Variants in SLC25A23 observed in about 807,000 individuals in gnomAD.
SLC25A23 encodes solute carrier family 25 member 23.
A neutral mutation model predicts 53.9 loss-of-function variants in SLC25A23; 32 were observed. The ratio of observed to expected loss-of-function variants is 0.59; its 90% CI spans 0.45 to 0.80. The LOEUF is 0.80. Ranked by LOEUF, SLC25A23 falls within the 30% of genes least tolerant of loss-of-function variation. The pLI is 0.00. For synonymous variants in SLC25A23, 275 were observed against 264.5 expected (o/e 1.04, Z -0.38); for missense variants, 575 against 651.4 (o/e 0.88, Z 1.28).
chr19:6,444,797 A>G (rs956145648), intron 8 of SLC25A23, among the ~76,000 whole-genome samples: 3 of 150,580 alleles, frequency 2.0e-5, no homozygotes, highest in Non-Finnish European at 4.4e-5. Flanking sequence ...CCTCCCGGGT[A>G]GCTGGGAATA....
At chr19:6,448,121 C>A (rs28391797) in intron 8 of SLC25A23, among the ~76,000 whole-genome samples, 2,299 of 152,276 alleles carry the variant, frequency 0.015, 71 homozygotes, top group African/African-American at 0.051. Flanking sequence ...CCTTCTGAAG[C>A]CTTCTGCCAA....
downstream of SLC25A23, among the ~76,000 whole-genome samples, chr19:6,439,399 T>TCTCTCTCACACA (rs1196510603): frequency 8.1e-6 from 1 of 123,988 alleles, no homozygotes; most frequent in African/African-American, 3.2e-5. Flanking sequence ...TCTCTCTCTC[T>TCTCTCTCACACA]CACACACACA....
rs1030220261 is a variant in SLC25A23 at position 6,440,273 on chromosome 19, A to C, written c.*1702T>G. ...ATCCAACTATGAAGTGCAGAATGTA[A>C]GGGCGCAGGGGAGGAGGACTTTGCT... On this transcript the variant is annotated 3_prime_UTR_variant, in exon 10 of 10. Coordinates refer to ENST00000301454, the MANE Select transcript of SLC25A23 (RefSeq NM_024103.3). 2.6e-5 allele frequency: 4 copies of C among 152,582 alleles called. No homozygotes were observed. The highest frequency in any genetic ancestry group is 7.2e-5 in the African/African-American group (3 of 41,420). The allele number at this position is 152,582 out of a possible 1,614,324, so 9.5% of individuals were successfully genotyped here. A position where few individuals can be genotyped will look rare whatever the true frequency, so the allele number is the denominator to read the frequency against.
chr19:6,437,551 T>C (rs894233529), downstream of SLC25A23, among the ~76,000 whole-genome samples: 1 of 152,190 alleles, frequency 6.6e-6, no homozygotes, highest in Non-Finnish European at 1.5e-5. Flanking sequence ...GGCTCACGCC[T>C]GTAATCCCAA....
At chr19:6,438,845 T>C (rs113135668), downstream of SLC25A23, 3,531 of 196,054 alleles carry the variant, frequency 0.018, 53 homozygotes, top group South Asian at 0.032. Flanking sequence ...GCAAGACTCC[T>C]ATATCAAAAA....
intron 9 of SLC25A23, 119 bp downstream of exon 9, chr19:6,444,032 C>A: frequency 1.8e-6 from 2 of 1,102,002 alleles, no homozygotes; most frequent in Non-Finnish European, 2.5e-6. Context: ...AATGGGGAAA[C>A]GGAGGCCCAG....
chr19:6,452,774 G>A (rs1000734151), intron 7 of SLC25A23, among the ~76,000 whole-genome samples: 2 of 152,148 alleles, frequency 1.3e-5, no homozygotes, highest in East Asian at 1.9e-4. Context: ...TGCTGGTCTC[G>A]AACTCCTGGG....
Position 6,454,522 on chromosome 19 carries a change from C to A in SLC25A23, c.642+37G>T. The A allele has an allele frequency of 6.2e-7, 1 of 1,613,150 alleles. No homozygotes were observed. Among genetic ancestry groups the A allele is most frequent in the Non-Finnish European group, 8.5e-7 (1 of 1,179,546 alleles). On this transcript the variant is annotated intron_variant, in intron 5 of 9. Coordinates refer to ENST00000301454, the MANE Select transcript of SLC25A23 (RefSeq NM_024103.3). This position sits in a 1 kb window ranked among gnomAD's most constrained non-coding sequence, Gnocchi z 4.3. ...TGGAGGTCCCCTCCCAGGTGTCAGG[C>A]CTGGGGGAGGGGGCAGGTCTCTCCA...
rs2092422016 is a variant in SLC25A23 at position 6,441,620 on chromosome 19, A to T, written c.*355T>A. 1 of 295,082 alleles carries T rather than the reference A, an allele frequency of 3.4e-6. No homozygotes were observed. The highest frequency in any genetic ancestry group is 4.8e-5 in the Admixed American group (1 of 20,892). The allele number at this position is 295,082 out of a possible 1,614,324, so 18.3% of individuals were successfully genotyped here. A position where few individuals can be genotyped will look rare whatever the true frequency, so the allele number is the denominator to read the frequency against. On this transcript the variant is annotated 3_prime_UTR_variant, in exon 10 of 10. Coordinates refer to ENST00000301454, the MANE Select transcript of SLC25A23 (RefSeq NM_024103.3). Reference sequence around the variant, plus strand: ...GGATGTGGGGCTGCAGGATCCAGTGATTTGGGGGATGGGGATTAAGGGCTG... The same window carrying T: ...GGATGTGGGGCTGCAGGATCCAGTGTTTTGGGGGATGGGGATTAAGGGCTG...
rs1205481574 is a variant in SLC25A23, at chr19:6,441,919, T to C, written c.*56A>G. 6.6e-7 allele frequency: 1 copy of C among 1,524,692 alleles called. No homozygotes were observed. Among genetic ancestry groups the C allele is most frequent in the East Asian group, 2.3e-5 (1 of 44,206 alleles). The allele number at this position is 1,524,692 out of a possible 1,614,324, so 94.4% of individuals were successfully genotyped here. ...AGGGATCCTGTGGTTGGATCATCAGTCTCCAGTGGCTGAGGTGTGGGGGGT... is the reference window on the plus strand; with the variant it reads ...AGGGATCCTGTGGTTGGATCATCAGCCTCCAGTGGCTGAGGTGTGGGGGGT... On this transcript the variant is annotated 3_prime_UTR_variant, in exon 10 of 10. Transcript: ENST00000301454.
rs771153945 is a variant in SLC25A23 at position 6,452,338 on chromosome 19, C to T, written c.1045G>A (p.Ala349Thr). 6.2e-7 allele frequency: 1 copy of T among 1,613,256 alleles called. No individual in the cohort carries two copies. Among genetic ancestry groups the T allele is most frequent in the Non-Finnish European group, 8.5e-7 (1 of 1,179,704 alleles). The part of the protein sequence containing the change: ...LPNVLGIIPY[A>T]GIDLAVYETL... ...TCGTAGACGGCCAGGTCGATGCCCGCATAGGGGATGATGCCCAGCACGTTG... is the reference window on the plus strand; with the variant it reads ...TCGTAGACGGCCAGGTCGATGCCCGTATAGGGGATGATGCCCAGCACGTTG... The change falls in exon 8 of 10, where the codon GCG (alanine) becomes ACG (threonine). Residue 349 changes from alanine to threonine, a missense_variant. By Grantham distance (58) the Ala-to-Thr change is moderately conservative. Transcript: ENST00000301454.
At chr19:6,453,603 G>A (rs2092626398) in intron 7 of SLC25A23, among the ~76,000 whole-genome samples, 1 of 152,090 alleles carries the variant, frequency 6.6e-6, no homozygotes, top group African/African-American at 2.4e-5. Flanking sequence ...CCTGAAACCT[G>A]AAATAATTTA....
intron 2 of SLC25A23, 34 bp downstream of exon 2, chr19:6,458,164 C>A: frequency 6.2e-7 from 1 of 1,609,718 alleles, no homozygotes; most frequent in Non-Finnish European, 8.5e-7. Flanking sequence ...CAGCCCTATC[C>A]CTTGGGGCCT....
chr19:6,457,441 G>A, intron 3 of SLC25A23, 62 bp downstream of exon 3: 2 of 1,451,250 alleles, frequency 1.4e-6, no homozygotes, highest in Non-Finnish European at 1.9e-6. Flanking sequence ...CCAGAAGACA[G>A]AGATGGCCAA....
Position 6,459,247 on chromosome 19 carries a change from G to C in SLC25A23, c.156+226C>G, listed in dbSNP as rs1467849506. ...AGACGCCCCCTGCCCCGCAGCAGGG[G>C]GATCGGGTGTTGGCCGCGGAACTGC... On this transcript the variant is annotated intron_variant, in intron 1 of 9. Coordinates refer to ENST00000301454, the MANE Select transcript of SLC25A23 (RefSeq NM_024103.3). This position sits in a 1 kb window ranked among gnomAD's most constrained non-coding sequence, Gnocchi z 4.6. Among the ~76,000 whole-genome samples the C allele has an allele frequency of 6.6e-6, 1 of 152,182 alleles. No homozygotes were observed. Among genetic ancestry groups the C allele is most frequent in the East Asian group, 1.9e-4 (1 of 5,180 alleles).
In SLC25A23 at chr19:6,454,443, G is replaced by A; in HGVS notation, c.675C>T (p.Ile225=). 3.7e-6 allele frequency: 6 copies of A among 1,614,132 alleles called. No individual in the cohort carries two copies. The highest frequency in any genetic ancestry group is 5.1e-6 in the Non-Finnish European group (6 of 1,180,030). ...VHASKTNRLN[I]LGGLRSMVLE... ...GGACCATGCTTCGAAGCCCCCCAAG[G>A]ATGTTCAGCCGGTTGGTCTTTGAGG... Residue 225 remains isoleucine (I), a synonymous_variant, in exon 6 of 10, where the codon ATC becomes ATT. Coordinates refer to ENST00000301454, the MANE Select transcript of SLC25A23 (RefSeq NM_024103.3). The surrounding 1 kb of genome is among the most constrained non-coding windows in gnomAD (Gnocchi z 4.3).
chr19:6,452,738 G>A, intron 7 of SLC25A23: 1 of 398,580 alleles, frequency 2.5e-6, no homozygotes, highest in Middle Eastern at 6.7e-4. Context: ...CATTTCTGTA[G>A]AGATGGGGAC....
At chr19:6,437,545 C>G (rs2092342646), downstream of SLC25A23, among the ~76,000 whole-genome samples, 1 of 152,174 alleles carries the variant, frequency 6.6e-6, no homozygotes, top group Non-Finnish European at 1.5e-5. Context: ...CGCAGTGGCT[C>G]ACGCCTGTAA....
At position 6,452,470 on chromosome 19, in the gene SLC25A23, T is replaced by C. The variant is rs767063113; in HGVS notation, c.913A>G (p.Thr305Ala). ...TIIYPMEVLK[T>A]RLTLRRTGQY... ...CCCGTCCGGCGCAAGGTCAGCCGCG[T>C]CTTCAGCACCTGGGGAGAACCTGGT... Residue 305 changes from threonine (T) to alanine (A), a missense_variant, in exon 8 of 10, where the codon ACG (threonine) becomes GCG (alanine). By Grantham distance (58) the Thr-to-Ala change is moderately conservative. Coordinates refer to ENST00000301454, the MANE Select transcript of SLC25A23 (RefSeq NM_024103.3). 2.3e-5 allele frequency: 37 copies of C among 1,603,180 alleles called. No homozygotes were observed. The highest frequency in any genetic ancestry group is 2.7e-5 in the Non-Finnish European group (32 of 1,172,406).
Sources: gnomAD v4.1 joint callset for allele counts (sites outside exome capture counted in the v4.1 genomes callset) on GRCh38, gnomAD v4.1.1 for gene constraint, Gnocchi (gnomAD v3.1) non-coding constraint, MANE v1.5 for transcripts, NCBI Gene and HGNC (gene_info 2026-07-23, HGNC 2026-07-21) for gene names.